The following PREX1 variants were observed in gnomAD, a reference collection of about 807,000 sequenced individuals.
PREX1 encodes the protein phosphatidylinositol 3,4,5-trisphosphate-dependent Rac exchanger 1 protein.
Under a neutral mutation model 198.3 loss-of-function variants are expected in PREX1, and 41 were observed. The observed-to-expected ratio is 0.21, with a 90% CI of 0.16 to 0.27. The LOEUF (loss-of-function observed/expected upper bound fraction) is 0.27, where lower values mean the gene tolerates loss of function less well. Among genes scored for constraint, PREX1 ranks in the 10% least tolerant of loss-of-function variants. The probability of loss-of-function intolerance (pLI) is 1.00; values close to 1 mark genes in which losing one functional copy is unlikely to be tolerated. For synonymous variants in PREX1, 843 were observed against 887.2 expected (o/e 0.95, Z 0.89); for missense variants, 1,620 against 2,200.7 (o/e 0.74, Z 5.28).
the PREX1 span, among the ~76,000 whole-genome samples, chr20:48,870,727 C>G: frequency 4.6e-5 from 7 of 151,412 alleles, no homozygotes; most frequent in Admixed American, 6.6e-5. Flanking sequence ...GCAGGCAGGT[C>G]ACTTGAGGTC....
At chr20:48,859,971 T>C in the PREX1 span, among the ~76,000 whole-genome samples, 5 of 152,060 alleles carry the variant, frequency 3.3e-5, no homozygotes, top group African/African-American at 4.8e-5. Context: ...TGAGCTGAGA[T>C]TGCACCACTG....
the PREX1 span, among the ~76,000 whole-genome samples, chr20:48,835,486 G>A: frequency 1.3e-5 from 2 of 152,220 alleles, no homozygotes; most frequent in East Asian, 3.8e-4. Flanking sequence ...GGAGCACTGG[G>A]GCCAGCACAT....
chr20:48,762,715 T>TC (rs2090187928), intron 1 of PREX1, among the ~76,000 whole-genome samples: 1 of 151,364 alleles, frequency 6.6e-6, no homozygotes. Context: ...TTTTTTTTTT[T>TC]TTTTTGAGAC....
intron 1 of PREX1, among the ~76,000 whole-genome samples, chr20:48,775,320 T>C (rs1422910381): frequency 6.6e-6 from 1 of 151,700 alleles, no homozygotes; most frequent in African/African-American, 2.4e-5. Context: ...AAGGGAGAGA[T>C]AAAGCAAGGA....
intron 1 of PREX1, among the ~76,000 whole-genome samples, chr20:48,820,288 C>A (rs190558535): frequency 3.7e-4 from 56 of 152,348 alleles, no homozygotes; most frequent in South Asian, 8.3e-4. Flanking sequence ...AGCCCGCACA[C>A]AGTCACTGTA....
In PREX1 at chr20:48,669,898, C is replaced by T. The variant is rs73911621; in HGVS notation, c.1666-3543G>A. On this transcript the variant is annotated intron_variant, in intron 14 of 39. Coordinates refer to ENST00000371941, the MANE Select transcript of PREX1 (RefSeq NM_020820.4). ...ATGGGGGAAAGAGGTGTCAGTTACA[C>T]AGGACCCCAGACAGCCTCTTTACCC... 2.3e-3 allele frequency among the ~76,000 whole-genome samples: 352 copies of T among 152,280 alleles called. 3 individuals carry two copies. Among genetic ancestry groups the T allele is most frequent in the African/African-American group, 8.2e-3 (341 of 41,548 alleles).
intron 4 of PREX1, among the ~76,000 whole-genome samples, 160 bp downstream of exon 4, chr20:48,734,386 C>A (rs2122726789): frequency 6.6e-6 from 1 of 152,294 alleles, no homozygotes; most frequent in South Asian, 2.1e-4. Flanking sequence ...CCAGCTGGCC[C>A]TTTATGGAAA....
chr20:48,651,701 G>C, intron 21 of PREX1, 118 bp from the exon 22 acceptor site: 1 of 944,502 alleles, frequency 1.1e-6, no homozygotes, highest in Non-Finnish European at 1.6e-6. Flanking sequence ...AAAGGCCCCA[G>C]GGCAGGAGTA....
chr20:48,636,768 C>T (rs2089368829), intron 31 of PREX1, 85 bp from the exon 32 acceptor site: 2 of 1,214,138 alleles, frequency 1.6e-6, no homozygotes, highest in Non-Finnish European at 2.3e-6. Context: ...GGGTCCAGGA[C>T]CCCTCATGGA....
chr20:48,873,089 C>G, the PREX1 span, among the ~76,000 whole-genome samples: 2 of 152,186 alleles, frequency 1.3e-5, no homozygotes, highest in African/African-American at 2.4e-5. Context: ...ATGAGCTCAG[C>G]TGGGCCTCTG....
chr20:48,687,608 A>G (rs1000996715), intron 10 of PREX1, among the ~76,000 whole-genome samples: 3 of 152,136 alleles, frequency 2.0e-5, no homozygotes, highest in Non-Finnish European at 4.4e-5. Context: ...AAGTCCTTAC[A>G]TTCTAAATAA....
chr20:48,655,192 G>A, intron 19 of PREX1, 98 bp downstream of exon 19: 1 of 1,208,442 alleles, frequency 8.3e-7, no homozygotes. Flanking sequence ...TACATTGTCT[G>A]GCAGAAGCCT....
At chr20:48,692,524 G>A (rs911142879) in intron 8 of PREX1, 148 bp downstream of exon 8, 4 of 592,040 alleles carry the variant, frequency 6.8e-6, no homozygotes, top group Non-Finnish European at 1.2e-5. Flanking sequence ...CCAGATGTTC[G>A]CTTCATGCAT....
intron 1 of PREX1, among the ~76,000 whole-genome samples, chr20:48,826,221 C>T (rs867404908): frequency 2.0e-5 from 3 of 152,082 alleles, no homozygotes; most frequent in Non-Finnish European, 2.9e-5. Context: ...CCTTCCTGAA[C>T]CAGGATTAAA....
chr20:48,724,984 G>C (rs1193310495), intron 5 of PREX1, among the ~76,000 whole-genome samples: 1 of 152,176 alleles, frequency 6.6e-6, no homozygotes, highest in Non-Finnish European at 1.5e-5. Flanking sequence ...TCAACAGCAG[G>C]AGCAGACCAG....
the PREX1 span, among the ~76,000 whole-genome samples, chr20:48,885,528 A>G: frequency 2.0e-5 from 3 of 152,212 alleles, no homozygotes; most frequent in Non-Finnish European, 4.4e-5. Flanking sequence ...CTCTTACCAT[A>G]TGATCCAGCA....
intron 33 of PREX1, among the ~76,000 whole-genome samples, chr20:48,632,941 C>G (rs2089327313): frequency 6.6e-6 from 1 of 152,210 alleles, no homozygotes; most frequent in Non-Finnish European, 1.5e-5. Flanking sequence ...GATGCGGACT[C>G]TGCCTACTTA....
chr20:48,675,873 C>T (rs897495217), intron 14 of PREX1, among the ~76,000 whole-genome samples: 16 of 152,054 alleles, frequency 1.1e-4, no homozygotes, highest in African/African-American at 3.9e-4. Flanking sequence ...CCCGACTCTA[C>T]TAAAATTACA....
intron 37 of PREX1, 48 bp from the exon 38 acceptor site, chr20:48,628,011 G>T: frequency 1.8e-6 from 2 of 1,107,756 alleles, no homozygotes; most frequent in Non-Finnish European, 2.7e-6. Flanking sequence ...GGGGACAGGG[G>T]TCGGGGGAGG....
Sources: gnomAD v4.1 joint callset for allele counts (sites outside exome capture counted in the v4.1 genomes callset) on GRCh38, gnomAD v4.1.1 for gene constraint, MANE v1.5 for transcripts, NCBI Gene and HGNC (gene_info 2026-07-23, HGNC 2026-07-21) for gene names.